The following CDK14 variants were observed in gnomAD, a reference collection of about 807,000 sequenced individuals.
CDK14 encodes cyclin-dependent kinase 14.
A neutral mutation model predicts 60.7 loss-of-function variants in CDK14; 34 were observed. The observed-to-expected ratio is 0.56, with a 90% CI of 0.43 to 0.75. The LOEUF (loss-of-function observed/expected upper bound fraction) is 0.75. Ranked by LOEUF, CDK14 falls within the 30% of genes least tolerant of loss-of-function variation. The pLI is 0.00. For missense variants in CDK14, 482 were observed against 564.1 expected, an observed-to-expected ratio of 0.85 and a Z score of 1.47; for synonymous variants, 197 against 203.7, an observed-to-expected ratio of 0.97 and a Z score of 0.28.
chr7:91,102,427 T>C (rs1033052266), intron 12 of CDK14, among the ~76,000 whole-genome samples: 5 of 152,204 alleles, frequency 3.3e-5, no homozygotes, highest in Non-Finnish European at 7.3e-5. Context: ...TTGAATGGTC[T>C]AATATGTAAA....
At chr7:90,851,299 A>G (rs565649146) in intron 5 of CDK14, among the ~76,000 whole-genome samples, 1 of 152,264 alleles carries the variant, frequency 6.6e-6, no homozygotes, top group African/African-American at 2.4e-5. Flanking sequence ...CACCCTGTGT[A>G]TCAGTCAAAT....
chr7:91,016,188 G>A (rs1370335724), intron 10 of CDK14, among the ~76,000 whole-genome samples: 1 of 152,130 alleles, frequency 6.6e-6, no homozygotes, highest in Non-Finnish European at 1.5e-5. Flanking sequence ...CTGTAGGTTA[G>A]CACTTCTTCC....
At chr7:91,051,098 T>C (rs936082565) in intron 11 of CDK14, among the ~76,000 whole-genome samples, 2 of 152,178 alleles carry the variant, frequency 1.3e-5, no homozygotes, top group African/African-American at 4.8e-5. Context: ...TGTACAGTAA[T>C]ACACACAAAT....
At chr7:91,138,462 G>A (rs1800351117) in intron 14 of CDK14, among the ~76,000 whole-genome samples, 2 of 152,236 alleles carry the variant, frequency 1.3e-5, no homozygotes, top group South Asian at 4.1e-4. Context: ...AGTGAAGAAA[G>A]TTTAATAAAA....
chr7:90,711,599 A>C (rs1584810899), intron 2 of CDK14, among the ~76,000 whole-genome samples: 2 of 152,104 alleles, frequency 1.3e-5, no homozygotes, highest in African/African-American at 4.8e-5. Context: ...TCATTCTGCA[A>C]ATATTGATTA....
intron 13 of CDK14, among the ~76,000 whole-genome samples, chr7:91,116,308 C>G (rs549341919): frequency 6.6e-6 from 1 of 152,194 alleles, no homozygotes; most frequent in African/African-American, 2.4e-5. Context: ...GCCAACAAAT[C>G]GGTACAGTGT....
At chr7:90,804,697 A>G (rs930016753) in intron 5 of CDK14, among the ~76,000 whole-genome samples, 2 of 152,148 alleles carry the variant, frequency 1.3e-5, no homozygotes, top group Non-Finnish European at 2.9e-5. Context: ...TAATAATTTT[A>G]AAGGATAAAG....
intron 3 of CDK14, among the ~76,000 whole-genome samples, chr7:90,731,865 T>A (rs1193597936): frequency 4.6e-5 from 7 of 152,202 alleles, no homozygotes; most frequent in Admixed American, 3.3e-4. Context: ...GGCCAGAACT[T>A]CCAATACTAT....
At chr7:90,862,574 G>T (rs1175858356) in intron 5 of CDK14, among the ~76,000 whole-genome samples, 2 of 152,084 alleles carry the variant, frequency 1.3e-5, no homozygotes, top group Non-Finnish European at 1.5e-5. Context: ...ATGCCAATAT[G>T]CCTCTCTCAG....
At chr7:91,022,487 C>T (rs1490404132) in intron 10 of CDK14, among the ~76,000 whole-genome samples, 1 of 152,162 alleles carries the variant, frequency 6.6e-6, no homozygotes. Context: ...GCTTATTTCT[C>T]ATGCATTTTT....
intron 14 of CDK14, among the ~76,000 whole-genome samples, chr7:91,166,359 C>T (rs1247791904): frequency 2.0e-5 from 3 of 152,138 alleles, no homozygotes; most frequent in African/African-American, 7.2e-5. Flanking sequence ...CATTGAGGAG[C>T]TACTGGCTTC....
intron 5 of CDK14, among the ~76,000 whole-genome samples, chr7:90,807,444 T>G (rs1466975419): frequency 6.6e-6 from 1 of 151,966 alleles, no homozygotes; most frequent in Non-Finnish European, 1.5e-5. Flanking sequence ...AGAAAGGACA[T>G]CCACACCAAA....
chr7:90,770,832 C>A (rs1468422722), intron 4 of CDK14, among the ~76,000 whole-genome samples: 1 of 152,232 alleles, frequency 6.6e-6, no homozygotes, highest in Admixed American at 6.5e-5. Flanking sequence ...GGAAACTTTT[C>A]TGACTTCTGA....
chr7:90,918,408 A>G (rs925893648), intron 8 of CDK14, among the ~76,000 whole-genome samples: 1 of 152,248 alleles, frequency 6.6e-6, no homozygotes, highest in African/African-American at 2.4e-5. Context: ...TTCTTCCAGC[A>G]TAGAAGCTTT....
chr7:90,675,503 A>G (rs142187489), intron 2 of CDK14, among the ~76,000 whole-genome samples: 42 of 152,274 alleles, frequency 2.8e-4, no homozygotes, highest in African/African-American at 9.4e-4. Flanking sequence ...AACTTTGGCT[A>G]TTTTAAAGTT....
intron 10 of CDK14, among the ~76,000 whole-genome samples, chr7:91,017,716 G>T (rs1796336475): frequency 6.6e-6 from 1 of 152,196 alleles, no homozygotes; most frequent in Non-Finnish European, 1.5e-5. Flanking sequence ...GTCTGGAAGG[G>T]CTCTGCCTTC....
chr7:91,112,455 A>G (rs1168863081), intron 12 of CDK14, 87 bp from the exon 13 acceptor site: 4 of 1,415,434 alleles, frequency 2.8e-6, no homozygotes, highest in Non-Finnish European at 3.8e-6. Context: ...GAATAAATTG[A>G]AATCCAGAAA....
intron 14 of CDK14, among the ~76,000 whole-genome samples, chr7:91,138,571 A>G (rs1044087346): frequency 6.6e-6 from 1 of 152,040 alleles, no homozygotes; most frequent in Non-Finnish European, 1.5e-5. Flanking sequence ...GCAAATATAT[A>G]TTTGCATTCT....
chr7:90,945,657 C>T (rs1027504118), intron 8 of CDK14, among the ~76,000 whole-genome samples: 2 of 152,164 alleles, frequency 1.3e-5, no homozygotes, highest in Non-Finnish European at 2.9e-5. Flanking sequence ...GTTTGCTGCC[C>T]ATTGGCCAAA....
Sources: allele counts gnomAD v4.1 joint callset (sites outside exome capture counted in the v4.1 genomes callset), GRCh38; gene constraint gnomAD v4.1.1; transcripts MANE v1.5; gene names NCBI Gene and HGNC (gene_info 2026-07-23, HGNC 2026-07-21).